Variants in ANGPT1 observed in about 807,000 individuals in gnomAD.
ANGPT1 encodes angiopoietin-1.
Under a neutral mutation model 62.2 loss-of-function variants are expected in ANGPT1, and 17 were observed. The observed-to-expected ratio is 0.27, with a 90% CI of 0.19 to 0.41. ANGPT1 has a LOEUF of 0.41. Ranked by LOEUF, ANGPT1 falls within the 10% of genes least tolerant of loss-of-function variation. ANGPT1 has a pLI of 1.00. For missense variants in ANGPT1, 478 were observed against 594.9 expected, an observed-to-expected ratio of 0.80 and a Z score of 2.04; for synonymous variants, 199 against 198.9, an observed-to-expected ratio of 1.00 and a Z score of 0.00.
Position 107,399,498 on chromosome 8 carries a change from G to T in ANGPT1, c.298-52401C>A, listed in dbSNP as rs139066984. Among the ~76,000 whole-genome samples the T allele has an allele frequency of 1.1e-4, 16 of 152,246 alleles. No homozygotes were observed. The East Asian group carries it at 3.1e-3, about 29-fold the overall frequency. ...ACACTTCTCTCCCAAAATTGTTTAT[G>T]TCAGTCTCTTAATTTTGACCCATTA... is the stretch of plus-strand genomic sequence containing the variant. On this transcript the variant is annotated intron_variant, in intron 1 of 8. Transcript: ENST00000517746.
chr8:107,294,212 T>C (rs1472124922), intron 5 of ANGPT1, 175 bp from the exon 6 acceptor site: 1 of 451,178 alleles, frequency 2.2e-6, no homozygotes. Context: ...CTCTGATTCA[T>C]ATTTGAGTTA....
intron 1 of ANGPT1, among the ~76,000 whole-genome samples, chr8:107,493,295 T>C (rs981721880): frequency 6.7e-6 from 1 of 150,350 alleles, no homozygotes; most frequent in Non-Finnish European, 1.5e-5. Context: ...ACTACAGCAT[T>C]AACATGATAC....
rs1162488064 is a variant in ANGPT1, at chr8:107,351,894, T to C, written c.298-4797A>G. 2.6e-5 allele frequency among the ~76,000 whole-genome samples: 4 copies of C among 152,176 alleles called. No homozygotes were observed. In the East Asian group the frequency reaches 7.7e-4, roughly 29 times the overall value. ...ACAAAGCCTCTACAAAGGCTAGATA[T>C]GTACCAGCTTTTACAAATACGCAGT... On this transcript the variant is annotated intron_variant, in intron 1 of 8. Transcript: ENST00000517746.
At chr8:107,295,365 A>C (rs1237070786) in intron 5 of ANGPT1, 2 of 145,316 alleles carry the variant, frequency 1.4e-5, no homozygotes, top group Non-Finnish European at 1.5e-5. Context: ...ACCTGCTCTC[A>C]GTCAACATAA....
intron 1 of ANGPT1, among the ~76,000 whole-genome samples, chr8:107,391,320 T>C (rs1816831181): frequency 6.6e-6 from 1 of 152,238 alleles, no homozygotes; most frequent in South Asian, 2.1e-4. Context: ...TTAGTCTTTT[T>C]ATTTTCCCAT....
In ANGPT1 at chr8:107,336,418, C is replaced by A. The variant is rs1266589921; in HGVS notation, c.454-147G>T. 3.2e-6 allele frequency: 4 copies of A among 1,254,952 alleles called. No individual in the cohort carries two copies. In the East Asian group the frequency reaches 1.2e-4, roughly 38 times the overall value. The allele number at this position is 1,254,952 out of a possible 1,614,324, so 77.7% of individuals were successfully genotyped here. A position where few individuals can be genotyped will look rare whatever the true frequency, so the allele number is the denominator to read the frequency against. On this transcript the variant is annotated intron_variant, in intron 2 of 8. Coordinates refer to ENST00000517746, the MANE Select transcript of ANGPT1 (RefSeq NM_001146.5). ...CAGTGGCTCACGCCTGTAATCCCAG[C>A]ACTTTGGGAGGCCAAGGCGGGTGGA...
At position 107,284,735 on chromosome 8, in the gene ANGPT1, T is replaced by C. The variant is rs144094042; in HGVS notation, c.1152A>G (p.Arg384=). 2.2e-5 allele frequency: 36 copies of C among 1,610,248 alleles called. No homozygotes were observed. Among genetic ancestry groups the C allele is most frequent in the Non-Finnish European group, 1.9e-5 (22 of 1,177,570 alleles). Residue 384 remains arginine, a synonymous_variant, in exon 7 of 9, where the codon CGA becomes CGG. Coordinates refer to ENST00000517746, the MANE Select transcript of ANGPT1 (RefSeq NM_001146.5). The part of the protein sequence containing the change: ...RIELMDWEGN[R]AYSQYDRFHI... ...GGAATCTGTCATACTGTGAATAGGC[T>C]CGGTTCCCTTCCCAGTCCATTAACT...
chr8:107,304,201 G>A (rs1814661927), intron 4 of ANGPT1, among the ~76,000 whole-genome samples: 1 of 151,634 alleles, frequency 6.6e-6, no homozygotes, highest in South Asian at 2.1e-4. Flanking sequence ...TCTCTACTGA[G>A]GAAAACCTTA....
At chr8:107,328,162 G>T (rs977291107) in intron 3 of ANGPT1, among the ~76,000 whole-genome samples, 3 of 152,036 alleles carry the variant, frequency 2.0e-5, no homozygotes, top group Non-Finnish European at 2.9e-5. Context: ...TCTATTTACA[G>T]ATGTTCCAAT....
chr8:107,336,112 T>C, intron 3 of ANGPT1, 38 bp downstream of exon 3: 1 of 1,569,362 alleles, frequency 6.4e-7, no homozygotes, highest in Non-Finnish European at 8.6e-7. Context: ...TATAAATAAG[T>C]ACACACAGAA....
intron 1 of ANGPT1, among the ~76,000 whole-genome samples, chr8:107,369,903 C>T (rs1816346907): frequency 6.6e-6 from 1 of 151,966 alleles, no homozygotes; most frequent in Non-Finnish European, 1.5e-5. Context: ...CTTGGGAGAC[C>T]AAGGTGGGAG....
chr8:107,274,957 C>T (rs1175332410), intron 7 of ANGPT1, among the ~76,000 whole-genome samples: 1 of 151,918 alleles, frequency 6.6e-6, no homozygotes, highest in African/African-American at 2.4e-5. Context: ...AAAGACATGC[C>T]CAGAGCACAG....
chr8:107,438,042 A>G (rs1811375249), intron 1 of ANGPT1, among the ~76,000 whole-genome samples: 3 of 152,086 alleles, frequency 2.0e-5, no homozygotes, highest in Admixed American at 2.0e-4. Context: ...GTCCATACTG[A>G]ACCTTGTTAT....
intron 1 of ANGPT1, among the ~76,000 whole-genome samples, chr8:107,373,162 T>A (rs143296247): frequency 3.9e-5 from 6 of 152,310 alleles, no homozygotes; most frequent in Admixed American, 1.3e-4. Context: ...AATGACCTCT[T>A]TGACAAAGTG....
chr8:107,281,489 T>A (rs1814001850), intron 7 of ANGPT1, among the ~76,000 whole-genome samples: 1 of 152,126 alleles, frequency 6.6e-6, no homozygotes, highest in South Asian at 2.1e-4. Context: ...ATTTTTTAAA[T>A]GTGTCTAGGC....
chr8:107,322,010 C>T lies in ANGPT1; in HGVS notation c.694G>A (p.Glu232Lys), dbSNP rs767677699. Residue 232 changes from glutamate (E) to lysine (K), a missense_variant, in exon 4 of 9, where the codon GAG becomes AAG. Transcript: ENST00000517746. ...GCTCTGTTTAATTGCTTTTCCAGCT[C>T]CTGGATTATATATGTTTGACGAGTA... Reference protein sequence around the residue: ...LVTRQTYIIQELEKQLNRATT... With the variant: ...LVTRQTYIIQKLEKQLNRATT... 1.2e-6 allele frequency: 2 copies of T among 1,613,772 alleles called. No homozygotes were observed. Among genetic ancestry groups the T allele is most frequent in the East Asian group, 4.5e-5 (2 of 44,862 alleles).
chr8:107,457,968 A>C (rs768700002), intron 1 of ANGPT1, among the ~76,000 whole-genome samples: 2 of 152,004 alleles, frequency 1.3e-5, no homozygotes, highest in Non-Finnish European at 2.9e-5. Flanking sequence ...TCCTCCTATA[A>C]AAGCTATTCT....
intron 7 of ANGPT1, among the ~76,000 whole-genome samples, chr8:107,264,598 A>C (rs539172831): frequency 6.6e-6 from 1 of 152,272 alleles, no homozygotes; most frequent in East Asian, 1.9e-4. Context: ...AAAACATAAA[A>C]ACTTGGGTTT....
At chr8:107,404,332 C>A (rs910367932) in intron 1 of ANGPT1, among the ~76,000 whole-genome samples, 2 of 152,066 alleles carry the variant, frequency 1.3e-5, no homozygotes, top group African/African-American at 2.4e-5. Flanking sequence ...AAAAGTTCAA[C>A]CCGAAATCCC....
Sources: allele counts gnomAD v4.1 joint callset (sites outside exome capture counted in the v4.1 genomes callset), GRCh38; gene constraint gnomAD v4.1.1; transcripts MANE v1.5; gene names NCBI Gene and HGNC (gene_info 2026-07-23, HGNC 2026-07-21).